The following PRKAB1 variants were observed in gnomAD, a reference collection of about 807,000 sequenced individuals.
PRKAB1 encodes the protein protein kinase AMP-activated non-catalytic subunit beta 1.
PRKAB1 carries 18 observed loss-of-function variants against 32.0 expected under a neutral mutation model. The observed-to-expected ratio is 0.56, with a 90% CI of 0.39 to 0.83. PRKAB1 has a LOEUF of 0.83. Among genes scored for constraint, PRKAB1 ranks in the 40% least tolerant of loss-of-function variants. The pLI is 0.00. For missense variants in PRKAB1, 263 were observed against 352.6 expected (o/e 0.75, Z 2.03); for synonymous variants, 141 against 141.4 (o/e 1.00, Z 0.02).
Position 119,679,813 on chromosome 12 carries a change from G to A in PRKAB1, c.667-120G>A. ...GACAAGCCCTTGCGCTGCCTGATTTGGGAAGAGAGGTCGGCCTGAGCGCTG... is the reference window on the plus strand; with the variant it reads ...GACAAGCCCTTGCGCTGCCTGATTTAGGAAGAGAGGTCGGCCTGAGCGCTG... On this transcript the variant is annotated intron_variant, in intron 5 of 6. Coordinates refer to ENST00000229328, the MANE Select transcript of PRKAB1 (RefSeq NM_006253.5). This position sits in a 1 kb window ranked among gnomAD's most constrained non-coding sequence, Gnocchi z 4.1. 1 of 1,075,812 alleles carries A rather than the reference G, an allele frequency of 9.3e-7. No individual in the cohort carries two copies. 66.6% of individuals were successfully genotyped at this position (1,075,812 alleles called of 1,614,324 possible). A position where few individuals can be genotyped will look rare whatever the true frequency, so the allele number is the denominator to read the frequency against.
chr12:119,675,488 T>TG (rs1472045904), intron 4 of PRKAB1, among the ~76,000 whole-genome samples: 1 of 152,198 alleles, frequency 6.6e-6, no homozygotes, highest in Non-Finnish European at 1.5e-5. Flanking sequence ...GGAGGAAGTG[T>TG]GCCCAAATAT....
chr12:119,679,781 C>A lies in PRKAB1; in HGVS notation c.667-152C>A, dbSNP rs574141037. On this transcript the variant is annotated intron_variant, in intron 5 of 6. Coordinates refer to ENST00000229328, the MANE Select transcript of PRKAB1 (RefSeq NM_006253.5). This position sits in a 1 kb window ranked among gnomAD's most constrained non-coding sequence, Gnocchi z 4.1. ...AAGGCGTGACCTTCATCTCACCTGT[C>A]GTCTTGGACAAGCCCTTGCGCTGCC... 1.3e-6 allele frequency: 1 copy of A among 746,074 alleles called. No homozygotes were observed. Among genetic ancestry groups the A allele is most frequent in the Non-Finnish European group, 2.3e-6 (1 of 431,530 alleles). 46.2% of individuals were successfully genotyped at this position (746,074 alleles called of 1,614,324 possible).
Position 119,672,316 on chromosome 12 carries a change from G to A in PRKAB1, c.175G>A (p.Glu59Lys), listed in dbSNP as rs774859004. 1 of 1,607,654 alleles carries A rather than the reference G, an allele frequency of 6.2e-7. No homozygotes were observed. ...SEEIKAPEKE[E>K]FLAWQHDLEV... The stretch of plus-strand genomic sequence containing the variant: ...CTGCTTCTAGGCACCAGAGAAGGAG[G>A]AATTCCTGGCCTGGCAGCATGATCT... Residue 59 changes from glutamate (E) to lysine (K), a missense_variant, in exon 2 of 7, where the codon GAA (glutamate) becomes AAA (lysine). By Grantham distance (56) the Glu-to-Lys change is moderately conservative. Transcript: ENST00000229328.
rs1381935310 is a variant in PRKAB1, at chr12:119,679,372, A to C, written c.667-561A>C. ...TTTTTTCCATTTGAATTGCATTTAT[A>C]ACAGTTGGGGGTATACAATGAAAAA... is the stretch of plus-strand genomic sequence containing the variant. On this transcript the variant is annotated intron_variant, in intron 5 of 6. Coordinates refer to ENST00000229328, the MANE Select transcript of PRKAB1 (RefSeq NM_006253.5). This position sits in a 1 kb window ranked among gnomAD's most constrained non-coding sequence, Gnocchi z 4.1. 1 of 153,938 alleles carries C rather than the reference A, an allele frequency of 6.5e-6. No homozygotes were observed. Among genetic ancestry groups the C allele is most frequent in the Non-Finnish European group, 1.4e-5 (1 of 69,262 alleles). 9.5% of individuals were successfully genotyped at this position (153,938 alleles called of 1,614,324 possible).
chr12:119,672,612 A>AC, intron 2 of PRKAB1, 148 bp downstream of exon 2: 1 of 841,118 alleles, frequency 1.2e-6, no homozygotes. Context: ...TTAAGGTTCA[A>AC]ATGTTAAACC....
intron 1 of PRKAB1, chr12:119,669,571 CTT>C (rs1383317654): frequency 2.0e-5 from 3 of 148,030 alleles, no homozygotes; most frequent in Admixed American, 6.7e-5. Context: ...ACCCACCCTA[CTT>C]ATTTTTTTTT....
Position 119,669,574 on chromosome 12 carries a change from AT to A in PRKAB1, c.159+1183del, listed in dbSNP as rs113692422. ...GTGAGCCACTGAACCCACCCTACTT[AT>A]TTTTTTTTTTTCCTTCTTTGAGATG... On this transcript the variant is annotated intron_variant, in intron 1 of 6. Transcript: ENST00000229328. 1,166 of 130,414 alleles carry A rather than the reference AT, an allele frequency of 8.9e-3. 16 individuals are homozygous for A. The highest frequency in any genetic ancestry group is 0.029 in the African/African-American group (988 of 34,596). The allele number at this position is 130,414 out of a possible 1,614,324, so 8.1% of individuals were successfully genotyped here.
intron 4 of PRKAB1, among the ~76,000 whole-genome samples, chr12:119,675,126 G>T (rs1240482368): frequency 6.6e-6 from 1 of 152,266 alleles, no homozygotes; most frequent in Non-Finnish European, 1.5e-5. Flanking sequence ...GGGGAAGAGG[G>T]TTGCGATCTA....
intron 5 of PRKAB1, chr12:119,677,772 T>TG (rs1278677439): frequency 1.4e-5 from 2 of 146,978 alleles, no homozygotes; most frequent in Non-Finnish European, 3.0e-5. Flanking sequence ...TTTTTTTTTT[T>TG]TTTTTTTTTT....
rs1955416703 is a variant in PRKAB1 at position 119,675,424 on chromosome 12, A to T, written c.532+970A>T. ...AATCTGTGCTTTTATCTGGGTAATTAGTCTTTTAGAGATATCATCTAGTTT... is the reference window on the plus strand; with the variant it reads ...AATCTGTGCTTTTATCTGGGTAATTTGTCTTTTAGAGATATCATCTAGTTT... On this transcript the variant is annotated intron_variant, in intron 4 of 6. Transcript: ENST00000229328. Among the ~76,000 whole-genome samples, 3 of 152,220 alleles carry T rather than the reference A, an allele frequency of 2.0e-5. No individual in the cohort carries two copies. The South Asian group carries it at 6.2e-4, about 32-fold the overall frequency.
At chr12:119,669,971 T>TACTGA (rs1955374859) in intron 1 of PRKAB1, 2 of 152,258 alleles carry the variant, frequency 1.3e-5, no homozygotes, top group Non-Finnish European at 2.9e-5. Context: ...AGCCAGCAGC[T>TACTGA]ACTGAACTTC....
upstream of PRKAB1, chr12:119,668,049 A>G (rs574994287): frequency 6.4e-4 from 398 of 623,340 alleles, no homozygotes; most frequent in African/African-American, 6.9e-3. Flanking sequence ...TGGGCAGGTA[A>G]AGCGCGATTG....
chr12:119,672,907 CTT>C (rs887968744), intron 2 of PRKAB1, among the ~76,000 whole-genome samples: 37 of 152,316 alleles, frequency 2.4e-4, no homozygotes, highest in African/African-American at 8.7e-4. Context: ...TTTCATCTAA[CTT>C]TGACTCTGCG....
intron 4 of PRKAB1, among the ~76,000 whole-genome samples, chr12:119,676,164 A>C (rs577341232): frequency 9.9e-5 from 15 of 152,134 alleles, no homozygotes; most frequent in Admixed American, 9.2e-4. Context: ...CTCAATCCTC[A>C]CTTAGCCTCC....
In PRKAB1 at chr12:119,681,527, C is replaced by CTGAG. The variant is rs1349896153; in HGVS notation, c.*1204_*1207dup. 2 of 152,130 alleles carry CTGAG rather than the reference C, an allele frequency of 1.3e-5. No homozygotes were observed. The highest frequency in any genetic ancestry group is 2.9e-5 in the Non-Finnish European group (2 of 68,016). The allele number at this position is 152,130 out of a possible 1,614,324, so 9.4% of individuals were successfully genotyped here. ...GGGTTCCAGTATTTACTTGGTATAC[C>CTGAG]TGAGTTTGGGGGTACCCTTTTTTGT... On this transcript the variant is annotated 3_prime_UTR_variant, in exon 7 of 7. Coordinates refer to ENST00000229328, the MANE Select transcript of PRKAB1 (RefSeq NM_006253.5).
rs536732190 is a variant in PRKAB1, at chr12:119,674,681, C to T, written c.532+227C>T. Among the ~76,000 whole-genome samples the T allele has an allele frequency of 9.2e-5, 14 of 152,310 alleles. No homozygotes were observed. The highest frequency in any genetic ancestry group is 7.7e-4 in the East Asian group (4 of 5,178). ...TCATCTCAGGTATTCAGTAGGTCTG[C>T]TTGGCCACAGAACGCAGACAGCAGA... is the stretch of plus-strand genomic sequence containing the variant. On this transcript the variant is annotated intron_variant, in intron 4 of 6. Coordinates refer to ENST00000229328, the MANE Select transcript of PRKAB1 (RefSeq NM_006253.5). The surrounding 1 kb of genome is among the most constrained non-coding windows in gnomAD (Gnocchi z 4.3).
chr12:119,680,219 C>G (rs983078735), intron 6 of PRKAB1, 29 bp from the exon 7 acceptor site: 2 of 1,605,806 alleles, frequency 1.2e-6, no homozygotes, highest in Non-Finnish European at 8.5e-7. Flanking sequence ...CTTAGTCCAG[C>G]CTTTGATCAT....
rs1327741736 is a variant in PRKAB1, at chr12:119,679,203, G to C, written c.667-730G>C. On this transcript the variant is annotated intron_variant, in intron 5 of 6. Coordinates refer to ENST00000229328, the MANE Select transcript of PRKAB1 (RefSeq NM_006253.5). The surrounding 1 kb of genome is among the most constrained non-coding windows in gnomAD (Gnocchi z 4.1). ...ACTGGCTGAGCCAGCAGTCACATCA[G>C]GCTTGGCTGGTGCCAGATCCTTGGT... 1 of 152,250 alleles carries C rather than the reference G, an allele frequency of 6.6e-6. No homozygotes were observed. The highest frequency in any genetic ancestry group is 1.5e-5 in the Non-Finnish European group (1 of 68,068). 9.4% of individuals were successfully genotyped at this position (152,250 alleles called of 1,614,324 possible).
chr12:119,675,965 C>A (rs1369569278), intron 4 of PRKAB1, among the ~76,000 whole-genome samples: 1 of 152,170 alleles, frequency 6.6e-6, no homozygotes, highest in Non-Finnish European at 1.5e-5. Flanking sequence ...TCCAGATACT[C>A]AAGCAAGAGT....
Sources: allele counts gnomAD v4.1 joint callset (sites outside exome capture counted in the v4.1 genomes callset), GRCh38; gene constraint gnomAD v4.1.1; non-coding constraint Gnocchi (gnomAD v3.1); transcripts MANE v1.5; gene names NCBI Gene and HGNC (gene_info 2026-07-23, HGNC 2026-07-21).